ADGRL4: variants seen among roughly 807,000 people sequenced by gnomAD.
ADGRL4 encodes the protein EGF, latrophilin and seven transmembrane domain containing 1.
In ADGRL4, 90 loss-of-function variants were observed where a neutral mutation model predicts 74.8. That is an observed-to-expected ratio of 1.20 (90% CI 1.02 to 1.43). The LOEUF is 1.43. ADGRL4 is among the 40% of genes most tolerant of loss of function. The pLI, the probability that ADGRL4 is intolerant of heterozygous loss-of-function variation, is 0.00. For synonymous variants in ADGRL4, 311 were observed against 279.2 expected, an observed-to-expected ratio of 1.11 and a Z score of -1.14; for missense variants, 881 against 814.3, an observed-to-expected ratio of 1.08 and a Z score of -1.00.
At position 78,933,780 on chromosome 1, in the gene ADGRL4, C is replaced by T. The variant is rs1240973228; in HGVS notation, c.877+2515G>A. On this transcript the variant is annotated intron_variant, in intron 7 of 14. Transcript: ENST00000370742. Reference sequence around the variant, plus strand: ...CAAAAATCACAAGCATTCTTTCACACCAACAATAGACAAGCAGAGAGCCAA... The same window carrying T: ...CAAAAATCACAAGCATTCTTTCACATCAACAATAGACAAGCAGAGAGCCAA... Among the ~76,000 whole-genome samples the T allele has an allele frequency of 2.0e-5, 3 of 150,534 alleles. No homozygotes were observed. In the South Asian group the frequency reaches 6.2e-4, roughly 31 times the overall value.
chr1:78,990,957 C>T (rs12737605), intron 2 of ADGRL4, among the ~76,000 whole-genome samples: 22,607 of 151,950 alleles, frequency 0.15, 1,833 homozygotes, highest in Admixed American at 0.23. Context: ...CAATAATTTG[C>T]CACAAAGGCA....
intron 12 of ADGRL4, among the ~76,000 whole-genome samples, chr1:78,911,138 A>C: frequency 6.6e-6 from 1 of 151,936 alleles, no homozygotes. Flanking sequence ...CTCCATTCAT[A>C]AAAATAAGCA....
chr1:78,891,053 T>C lies in ADGRL4; in HGVS notation c.*101A>G. 1 of 1,177,536 alleles carries C rather than the reference T, an allele frequency of 8.5e-7. No individual in the cohort carries two copies. The highest frequency in any genetic ancestry group is 1.3e-6 in the Non-Finnish European group (1 of 787,514). The allele number at this position is 1,177,536 out of a possible 1,614,324, so 72.9% of individuals were successfully genotyped here. Reference sequence around the variant, plus strand: ...ATTTAAAATACTTTTTGTCTAGTAGTTAATAATTGGATAATTTGATGAGTC... The same window carrying C: ...ATTTAAAATACTTTTTGTCTAGTAGCTAATAATTGGATAATTTGATGAGTC... On this transcript the variant is annotated 3_prime_UTR_variant, in exon 15 of 15. Coordinates refer to ENST00000370742, the MANE Select transcript of ADGRL4 (RefSeq NM_022159.4).
rs78006974 is a variant in ADGRL4 at position 79,003,600 on chromosome 1, C to T, written c.172+1470G>A. Among the ~76,000 whole-genome samples, 343 of 151,824 alleles carry T rather than the reference C, an allele frequency of 2.3e-3. 2 individuals carry two copies. The highest frequency in any genetic ancestry group is 7.6e-3 in the African/African-American group (317 of 41,468). ...CAACTGCATTAGATAATGGAAGATG[C>T]GTTTTTAAAAGAAATCATTAGAAAC... On this transcript the variant is annotated intron_variant, in intron 2 of 14. Coordinates refer to ENST00000370742, the MANE Select transcript of ADGRL4 (RefSeq NM_022159.4).
intron 3 of ADGRL4, among the ~76,000 whole-genome samples, chr1:78,940,857 C>T (rs1193908900): frequency 6.6e-6 from 1 of 152,038 alleles, no homozygotes; most frequent in East Asian, 1.9e-4. Flanking sequence ...AAAACACATC[C>T]AAATTCACAC....
rs79373884 is a variant in ADGRL4, at chr1:78,987,268, C to A, written c.172+17802G>T. Among the ~76,000 whole-genome samples, 1,399 of 151,792 alleles carry A rather than the reference C, an allele frequency of 9.2e-3. 21 individuals carry two copies. The highest frequency in any genetic ancestry group is 0.031 in the African/African-American group (1,283 of 41,472). The stretch of plus-strand genomic sequence containing the variant: ...TCAGCAATAGCAGTTTTGTCCAATT[C>A]CAATGGGGAAACGCACTCCAAAGTG... On this transcript the variant is annotated intron_variant, in intron 2 of 14. Transcript: ENST00000370742.
intron 12 of ADGRL4, among the ~76,000 whole-genome samples, chr1:78,894,750 T>G (rs1482422491): frequency 6.6e-6 from 1 of 151,826 alleles, no homozygotes; most frequent in East Asian, 1.9e-4. Flanking sequence ...TTTAAATAAT[T>G]TTTATGAGGT....
chr1:79,001,633 T>C (rs1293669369), intron 2 of ADGRL4, among the ~76,000 whole-genome samples: 1 of 152,112 alleles, frequency 6.6e-6, no homozygotes, highest in Non-Finnish European at 1.5e-5. Context: ...AGTGAATAAA[T>C]AGACTAACTT....
chr1:78,983,659 T>A (rs1650439453), intron 2 of ADGRL4, among the ~76,000 whole-genome samples: 1 of 151,802 alleles, frequency 6.6e-6, no homozygotes. Flanking sequence ...AAGTTATTAT[T>A]TTAAGAGCTA....
intron 2 of ADGRL4, among the ~76,000 whole-genome samples, chr1:78,974,803 T>A (rs760657294): frequency 1.1e-4 from 16 of 152,168 alleles, no homozygotes; most frequent in Non-Finnish European, 2.1e-4. Context: ...CTCTTCTGCC[T>A]CCTCTTCCAC....
In ADGRL4 at chr1:78,893,099, T is replaced by A; in HGVS notation, c.1840A>T (p.Arg614Trp). Residue 614 changes from arginine to tryptophan, a missense_variant and splice_region_variant, in exon 13 of 15, where the codon AGG (arginine) becomes TGG (tryptophan). Arg to Trp is a moderately radical substitution (Grantham distance 101). Coordinates refer to ENST00000370742, the MANE Select transcript of ADGRL4 (RefSeq NM_022159.4). ...KPEVSCFENI[R>W]SCARGALALL... Reference sequence around the variant, plus strand: ...AAGTGAACTTAAAGACGCATTTACCTTATGTTCTCAAAGCAACTAACTTCT... The same window carrying A: ...AAGTGAACTTAAAGACGCATTTACCATATGTTCTCAAAGCAACTAACTTCT... 1 of 1,547,486 alleles carries A rather than the reference T, an allele frequency of 6.5e-7. No individual in the cohort carries two copies. The highest frequency in any genetic ancestry group is 2.3e-5 in the East Asian group (1 of 43,102).
At chr1:78,987,685 C>T (rs1650526015) in intron 2 of ADGRL4, among the ~76,000 whole-genome samples, 1 of 151,720 alleles carries the variant, frequency 6.6e-6, no homozygotes, top group African/African-American at 2.4e-5. Context: ...CATTCTACTC[C>T]AGGCACTGGC....
chr1:78,994,602 T>A (rs1650677753), intron 2 of ADGRL4, among the ~76,000 whole-genome samples: 1 of 152,240 alleles, frequency 6.6e-6, no homozygotes. Context: ...AATTATTTTT[T>A]CATTACTAGG....
intron 2 of ADGRL4, among the ~76,000 whole-genome samples, chr1:79,002,903 T>C (rs1354463244): frequency 2.6e-5 from 4 of 152,066 alleles, no homozygotes; most frequent in Non-Finnish European, 4.4e-5. Context: ...GCAAAACAAA[T>C]TATAAATTAC....
intron 13 of ADGRL4, among the ~76,000 whole-genome samples, chr1:78,891,992 G>A (rs1648287648): frequency 6.6e-6 from 1 of 151,982 alleles, no homozygotes; most frequent in African/African-American, 2.4e-5. Flanking sequence ...TTTTTGTCTG[G>A]TGTACTGCAG....
intron 12 of ADGRL4, among the ~76,000 whole-genome samples, chr1:78,894,594 G>T (rs1331540672): frequency 6.6e-6 from 1 of 151,606 alleles, no homozygotes; most frequent in Non-Finnish European, 1.5e-5. Flanking sequence ...GTATTTTCTA[G>T]ATTTCAATAG....
At chr1:78,931,703 A>T (rs985519362) in intron 7 of ADGRL4, among the ~76,000 whole-genome samples, 1 of 151,302 alleles carries the variant, frequency 6.6e-6, no homozygotes, top group African/African-American at 2.5e-5. Flanking sequence ...GTGCAAAGAC[A>T]TACATAGGCT....
intron 2 of ADGRL4, among the ~76,000 whole-genome samples, chr1:78,964,077 A>C (rs900514414): frequency 6.6e-6 from 1 of 152,128 alleles, no homozygotes; most frequent in Non-Finnish European, 1.5e-5. Context: ...GGAAAAATAC[A>C]TGATGCCTTA....
intron 2 of ADGRL4, among the ~76,000 whole-genome samples, chr1:78,970,587 C>G (rs1650148541): frequency 1.3e-5 from 2 of 152,320 alleles, no homozygotes; most frequent in Middle Eastern, 6.8e-3. Flanking sequence ...TCTTCCCTCT[C>G]TCCCTCATGT....
Sources: allele counts gnomAD v4.1 joint callset (sites outside exome capture counted in the v4.1 genomes callset), GRCh38; gene constraint gnomAD v4.1.1; transcripts MANE v1.5; gene names NCBI Gene and HGNC (gene_info 2026-07-23, HGNC 2026-07-21).